The following COMT variants were observed in gnomAD, a reference collection of about 807,000 sequenced individuals.
COMT encodes the protein catechol O-methyltransferase.
In COMT, 13 loss-of-function variants were observed where a neutral mutation model predicts 18.9. That is an observed-to-expected ratio of 0.69 (90% confidence interval 0.45 to 1.09). The LOEUF (loss-of-function observed/expected upper bound fraction) is 1.09, where lower values mean the gene tolerates loss of function less well. Ranked by LOEUF, COMT falls within the 50% of genes least tolerant of loss-of-function variation. COMT has a pLI of 0.00. For missense variants in COMT, 329 were observed against 361.8 expected (o/e 0.91, Z 0.73); for synonymous variants, 150 against 160.9 (o/e 0.93, Z 0.51).
In COMT at chr22:19,968,516, A is replaced by T. The variant is rs1365043701; in HGVS notation, c.616-20A>T. ...GGCACCTCTGACCCTCACCTCCCCC[A>T]CCCCCCGGTCTGTTTGCAGGAATGT... On this transcript the variant is annotated intron_variant, in intron 5 of 5. Transcript: ENST00000361682. The T allele has an allele frequency of 1.9e-6, 3 of 1,598,356 alleles. No individual in the cohort carries two copies. Among genetic ancestry groups the T allele is most frequent in the Non-Finnish European group, 2.6e-6 (3 of 1,170,130 alleles).
rs757861911 is a variant in COMT at position 19,963,665 on chromosome 22, T to C, written c.389T>C (p.Leu130Pro). 2 of 1,613,034 alleles carry C rather than the reference T, an allele frequency of 1.2e-6. No homozygotes were observed. Among genetic ancestry groups the C allele is most frequent in the Non-Finnish European group, 1.7e-6 (2 of 1,180,004 alleles). Residue 130 changes from leucine to proline, a missense_variant, in exon 4 of 6, where the codon CTG (leucine) becomes CCG (proline). Coordinates refer to ENST00000361682, the MANE Select transcript of COMT (RefSeq NM_000754.4). ...TCAGCTGTGCGCATGGCCCGCCTGC[T>C]GTCACCAGGGGCGAGGCTCATCACC... ...GYSAVRMARL[L>P]SPGARLITIE...
chr22:19,961,759 T>C (rs2146162813), intron 2 of COMT: 1 of 152,528 alleles, frequency 6.6e-6, no homozygotes, highest in Non-Finnish European at 1.5e-5. Flanking sequence ...CTCTGCCTGC[T>C]GGGTCCCCTC....
chr22:19,944,174 G>A (rs1348408508), intron 1 of COMT, among the ~76,000 whole-genome samples: 1 of 152,190 alleles, frequency 6.6e-6, no homozygotes, highest in Non-Finnish European at 1.5e-5. Context: ...AGATACTGAA[G>A]GAAAGTAGAT....
chr22:19,959,310 G>C (rs548460607), intron 1 of COMT, among the ~76,000 whole-genome samples: 1 of 152,266 alleles, frequency 6.6e-6, no homozygotes, highest in African/African-American at 2.4e-5. Context: ...TCACTTGCCT[G>C]CTCTTTCGTC....
At chr22:19,966,327 A>G (rs1415519540) in intron 5 of COMT, among the ~76,000 whole-genome samples, 2 of 151,554 alleles carry the variant, frequency 1.3e-5, no homozygotes, top group African/African-American at 4.9e-5. Flanking sequence ...GGGGCTCAGG[A>G]GCAGGTTGCA....
At chr22:19,963,503 G>A in intron 3 of COMT, 63 bp from the exon 4 acceptor site, 1 of 1,579,952 alleles carries the variant, frequency 6.3e-7, no homozygotes, top group Non-Finnish European at 8.6e-7. Flanking sequence ...GGCCGTGCCT[G>A]GGGATCCAAG....
intron 5 of COMT, among the ~76,000 whole-genome samples, chr22:19,966,516 C>T (rs1332566119): frequency 6.6e-6 from 1 of 151,712 alleles, no homozygotes; most frequent in East Asian, 1.9e-4. Context: ...TCATAGCTCA[C>T]TGTAGCCTCA....
intron 5 of COMT, among the ~76,000 whole-genome samples, chr22:19,966,341 C>A (rs1449868289): frequency 2.0e-5 from 3 of 150,672 alleles, no homozygotes; most frequent in African/African-American, 7.3e-5. Context: ...GGTTGCAATT[C>A]AAAATCAAGG....
Position 19,956,380 on chromosome 22 carries a change from T to C in COMT, c.-91-4819T>C, listed in dbSNP as rs1265397328. 1.1e-3 allele frequency among the ~76,000 whole-genome samples: 147 copies of C among 133,724 alleles called. 5 individuals carry two copies. The highest frequency in any genetic ancestry group is 1.5e-4 in the Non-Finnish European group (9 of 61,594). 87.7% of individuals were successfully genotyped at this position (133,724 alleles called of 152,430 possible). On this transcript the variant is annotated intron_variant, in intron 1 of 5. Coordinates refer to ENST00000361682, the MANE Select transcript of COMT (RefSeq NM_000754.4). Reference sequence around the variant, plus strand: ...ATGGTCTTGAGCTCTCTTTTTTTTTTTTTTTTTTTTTTTTGAGACGGAGTC... The same window carrying C: ...ATGGTCTTGAGCTCTCTTTTTTTTTCTTTTTTTTTTTTTTGAGACGGAGTC...
At chr22:19,967,875 G>A (rs1942505842) in intron 5 of COMT, among the ~76,000 whole-genome samples, 2 of 152,234 alleles carry the variant, frequency 1.3e-5, no homozygotes, top group South Asian at 2.1e-4. Context: ...ATCCTATGAG[G>A]TTTCTCCCGA....
At chr22:19,951,324 A>T (rs1941932035) in intron 1 of COMT, among the ~76,000 whole-genome samples, 1 of 130,060 alleles carries the variant, frequency 7.7e-6, no homozygotes, top group East Asian at 2.2e-4. Context: ...ATGCCACTGC[A>T]CTCCAGCCTG....
In COMT at chr22:19,945,945, G is replaced by A. The variant is rs184657615; in HGVS notation, c.-92+4048G>A. 1.5e-3 allele frequency among the ~76,000 whole-genome samples: 222 copies of A among 152,270 alleles called. No homozygotes were observed. In the East Asian group the frequency reaches 0.021, roughly 14 times the overall value. On this transcript the variant is annotated intron_variant, in intron 1 of 5. Coordinates refer to ENST00000361682, the MANE Select transcript of COMT (RefSeq NM_000754.4). ...CTCCCAAAGTACTGGGATTACAGGC[G>A]TGAGCCACCGTGCCCAGCCGGGGAA...
rs1942599049 is a variant in COMT at position 19,969,104 on chromosome 22, C to A, written c.*368C>A. On this transcript the variant is annotated 3_prime_UTR_variant, in exon 6 of 6. Transcript: ENST00000361682. ...TTGGGCACCAAACATTCAAAGCTCC[C>A]CTTGACGGACGCTAACGCTAAGGGC... 1 of 235,540 alleles carries A rather than the reference C, an allele frequency of 4.2e-6. No homozygotes were observed. Among genetic ancestry groups the A allele is most frequent in the African/African-American group, 2.3e-5 (1 of 43,198 alleles). 14.6% of individuals were successfully genotyped at this position (235,540 alleles called of 1,614,324 possible). A position where few individuals can be genotyped will look rare whatever the true frequency, so the allele number is the denominator to read the frequency against.
chr22:19,951,852 T>C (rs1381973623), intron 1 of COMT, among the ~76,000 whole-genome samples: 1 of 152,224 alleles, frequency 6.6e-6, no homozygotes, highest in Non-Finnish European at 1.5e-5. Flanking sequence ...CCACGGGGGC[T>C]TACTGAAGTC....
chr22:19,962,550 G>C lies in COMT; in HGVS notation c.24G>C (p.Leu8=), dbSNP rs180991698. ...AGATGCCGGAGGCCCCGCCTCTGCT[G>C]TTGGCAGCTGTGTTGCTGGGCCTGG... MPEAPPL[L]LAAVLLGLVL... The change falls in exon 3 of 6, where the codon CTG becomes CTC. Residue 8 remains leucine, a synonymous_variant. Transcript: ENST00000361682. 1 of 1,559,368 alleles carries C rather than the reference G, an allele frequency of 6.4e-7. No individual in the cohort carries two copies. The highest frequency in any genetic ancestry group is 8.7e-7 in the Non-Finnish European group (1 of 1,152,898).
chr22:19,963,922 C>A, intron 4 of COMT, 163 bp downstream of exon 4: 1 of 1,172,330 alleles, frequency 8.5e-7, no homozygotes, highest in Non-Finnish European at 1.2e-6. Flanking sequence ...GAGGAAAGAC[C>A]CCCCCAGCAG....
At chr22:19,960,710 G>A (rs1056703809) in intron 1 of COMT, among the ~76,000 whole-genome samples, 10 of 152,242 alleles carry the variant, frequency 6.6e-5, no homozygotes, top group Non-Finnish European at 1.0e-4. Context: ...TCACCTGCTC[G>A]GGGCTCTGGC....
At chr22:19,946,465 G>A (rs1941837180) in intron 1 of COMT, among the ~76,000 whole-genome samples, 2 of 152,178 alleles carry the variant, frequency 1.3e-5, no homozygotes, top group South Asian at 4.2e-4. Context: ...TCCAGCCTGG[G>A]CAACACAGTG....
intron 3 of COMT, 94 bp downstream of exon 3, chr22:19,962,909 C>T: frequency 1.4e-6 from 2 of 1,457,214 alleles, no homozygotes; most frequent in Non-Finnish European, 1.9e-6. Flanking sequence ...CACCCCATTT[C>T]CAGGGGGCTG....
Sources: gnomAD v4.1 joint callset for allele counts (sites outside exome capture counted in the v4.1 genomes callset) on GRCh38, gnomAD v4.1.1 for gene constraint, MANE v1.5 for transcripts, NCBI Gene and HGNC (gene_info 2026-07-23, HGNC 2026-07-21) for gene names.